The following VPS13A variants were observed in gnomAD, a reference collection of about 807,000 sequenced individuals.
VPS13A encodes vacuolar protein sorting 13 homolog A.
A neutral mutation model predicts 390.9 loss-of-function variants in VPS13A; 264 were observed. That is an observed-to-expected ratio of 0.68 (90% confidence interval 0.61 to 0.75). VPS13A has a LOEUF of 0.75. VPS13A is among the 30% of genes least tolerant of loss of function. The pLI, the probability that VPS13A is intolerant of heterozygous loss-of-function variation, is 0.00. For missense variants in VPS13A, 3,409 were observed against 3,733.9 expected (o/e 0.91, Z 2.27); for synonymous variants, 1,231 against 1,227.1 (o/e 1.00, Z -0.07).
chr9:77,268,367 C>T (rs776342578), intron 23 of VPS13A, among the ~76,000 whole-genome samples: 2 of 152,152 alleles, frequency 1.3e-5, no homozygotes, highest in African/African-American at 2.4e-5. Context: ...TTCCTCATGG[C>T]ACAGTCCTTC....
chr9:77,280,340 A>G (rs892089354), intron 27 of VPS13A, 102 bp downstream of exon 27: 24 of 967,756 alleles, frequency 2.5e-5, no homozygotes, highest in Non-Finnish European at 2.9e-5. Flanking sequence ...CTTCACTGTA[A>G]CATAATCTCT....
intron 1 of VPS13A, among the ~76,000 whole-genome samples, chr9:77,180,783 A>G (rs370770618): frequency 1.3e-5 from 2 of 152,222 alleles, no homozygotes; most frequent in South Asian, 2.1e-4. Flanking sequence ...CTGTGTGTCT[A>G]TCATTTCACC....
At chr9:77,337,618 T>C in intron 47 of VPS13A, 81 bp downstream of exon 47, 1 of 1,408,326 alleles carries the variant, frequency 7.1e-7, no homozygotes, top group Non-Finnish European at 9.8e-7. Context: ...ATAAAAACTA[T>C]TTTAAAGATC....
chr9:77,373,797 A>C (rs1056060522), intron 67 of VPS13A, among the ~76,000 whole-genome samples: 1 of 151,796 alleles, frequency 6.6e-6, no homozygotes, highest in Non-Finnish European at 1.5e-5. Flanking sequence ...CAAGAAAAAA[A>C]CAAACAACCC....
At position 77,353,498 on chromosome 9, in the gene VPS13A, A is replaced by G. The variant is rs768165898; in HGVS notation, c.7509A>G (p.Glu2503=). 6.2e-7 allele frequency: 1 copy of G among 1,613,390 alleles called. No individual in the cohort carries two copies. The highest frequency in any genetic ancestry group is 8.5e-7 in the Non-Finnish European group (1 of 1,179,564). ...EGLQRIILFT[E]DPRVFKVTYE... ...TACAACGCATTATTTTATTCACTGA[A>G]GATCCAAGGGTATTTAAAGTAACAT... is the stretch of plus-strand genomic sequence containing the variant. The change falls in exon 54 of 72, where the codon GAA becomes GAG. Residue 2503 remains glutamate, a synonymous_variant. Transcript: ENST00000360280.
At chr9:77,300,897 A>G (rs2131388644) in intron 33 of VPS13A, among the ~76,000 whole-genome samples, 1 of 152,388 alleles carries the variant, frequency 6.6e-6, no homozygotes, top group Non-Finnish European at 1.5e-5. Flanking sequence ...CAATCATCTA[A>G]GTACTGACAA....
chr9:77,267,252 T>C (rs1303058118), intron 23 of VPS13A, among the ~76,000 whole-genome samples: 1 of 152,120 alleles, frequency 6.6e-6, no homozygotes, highest in Non-Finnish European at 1.5e-5. Flanking sequence ...CATTCTGGTT[T>C]TTGGAATTTT....
Position 77,337,554 on chromosome 9 carries a change from T to G in VPS13A, c.6378+17T>G. 1.2e-6 allele frequency: 2 copies of G among 1,604,598 alleles called. No individual in the cohort carries two copies. The highest frequency in any genetic ancestry group is 1.3e-5 in the African/African-American group (1 of 74,774). ...TATATAGAGGTATCGGCAAACTGATTTAGTGCCTTCCTGTTTTTGATTTTG... is the reference window on the plus strand; with the variant it reads ...TATATAGAGGTATCGGCAAACTGATGTAGTGCCTTCCTGTTTTTGATTTTG... On this transcript the variant is annotated intron_variant, in intron 47 of 71. Transcript: ENST00000360280.
intron 68 of VPS13A, among the ~76,000 whole-genome samples, chr9:77,397,492 G>A (rs1834164868): frequency 6.6e-6 from 1 of 152,100 alleles, no homozygotes; most frequent in East Asian, 1.9e-4. Flanking sequence ...GGGACTTAAA[G>A]CCTTTTATTT....
chr9:77,364,081 G>A (rs1029667304), intron 59 of VPS13A, among the ~76,000 whole-genome samples: 6 of 152,044 alleles, frequency 3.9e-5, no homozygotes, highest in African/African-American at 9.7e-5. Context: ...TATTCTCAGT[G>A]GTACTGTACC....
Position 77,283,349 on chromosome 9 carries a change from T to C in VPS13A, c.3119-6T>C. ...CATGTTTTATAATATGAATTTTTTT[T>C]TGCAGCTTTAAAACTATCCACAAAT... On this transcript the variant is annotated splice_region_variant and splice_polypyrimidine_tract_variant and intron_variant, in intron 29 of 71. Transcript: ENST00000360280. The C allele has an allele frequency of 6.6e-7, 1 of 1,520,766 alleles. No individual in the cohort carries two copies. The highest frequency in any genetic ancestry group is 1.1e-5 in the South Asian group (1 of 86,990). The allele number at this position is 1,520,766 out of a possible 1,614,324, so 94.2% of individuals were successfully genotyped here. A position where few individuals can be genotyped will look rare whatever the true frequency, so the allele number is the denominator to read the frequency against.
At chr9:77,391,041 C>T (rs971462724) in intron 68 of VPS13A, among the ~76,000 whole-genome samples, 1 of 152,144 alleles carries the variant, frequency 6.6e-6, no homozygotes, top group Admixed American at 6.5e-5. Flanking sequence ...TTGAGTCTTA[C>T]ATCTTTTTAA....
At chr9:77,405,810 G>C in intron 69 of VPS13A, 54 bp from the exon 70 acceptor site, 2 of 1,604,840 alleles carry the variant, frequency 1.2e-6, no homozygotes, top group Non-Finnish European at 1.7e-6. Flanking sequence ...GTTGTTATTG[G>C]ATATAAGTGC....
rs1824713132 is a variant in VPS13A at position 77,244,856 on chromosome 9, AGATC to A, written c.1901-2402_1901-2399del. Among the ~76,000 whole-genome samples the A allele has an allele frequency of 1.2e-4, 19 of 152,280 alleles. No individual in the cohort carries two copies. The South Asian group carries it at 4.0e-3, about 32-fold the overall frequency. ...TTAGTCTTGGTGGTAGTGTCAGAGA[AGATC>A]TCTGAAAATTCAACATTAAGATCAG... On this transcript the variant is annotated intron_variant, in intron 19 of 71. Coordinates refer to ENST00000360280, the MANE Select transcript of VPS13A (RefSeq NM_033305.3).
chr9:77,409,810 T>G (rs1333112751), intron 71 of VPS13A, among the ~76,000 whole-genome samples: 1 of 151,278 alleles, frequency 6.6e-6, no homozygotes, highest in African/African-American at 2.4e-5. Flanking sequence ...AGACCAAATC[T>G]ACGTCTGATT....
At chr9:77,313,952 A>G (rs1231506961) in intron 35 of VPS13A, 40 bp from the exon 36 acceptor site, 1 of 1,583,644 alleles carries the variant, frequency 6.3e-7, no homozygotes, top group East Asian at 2.4e-5. Context: ...GCTACTTTTC[A>G]TGATATTTTC....
At chr9:77,182,726 A>G (rs1227024736) in intron 1 of VPS13A, among the ~76,000 whole-genome samples, 2 of 152,214 alleles carry the variant, frequency 1.3e-5, no homozygotes, top group Admixed American at 1.3e-4. Context: ...TTTCTCCGAA[A>G]TCACAATACT....
Position 77,359,406 on chromosome 9 carries a change from A to G in VPS13A, c.8105+4A>G. The G allele has an allele frequency of 1.2e-6, 2 of 1,607,174 alleles. No homozygotes were observed. Among genetic ancestry groups the G allele is most frequent in the Non-Finnish European group, 1.7e-6 (2 of 1,174,126 alleles). On this transcript the variant is annotated splice_donor_region_variant and intron_variant, in intron 58 of 71. Transcript: ENST00000360280. ...ATTCCCAGATATCACGTATTAAGTA[A>G]GTGTCTTAATACATTTCTTGTATAT...
At chr9:77,188,327 G>A (rs1478637328) in intron 1 of VPS13A, among the ~76,000 whole-genome samples, 3 of 152,144 alleles carry the variant, frequency 2.0e-5, no homozygotes, top group Admixed American at 6.6e-5. Flanking sequence ...GACTAACACA[G>A]TACTCAAGTT....
Sources: gnomAD v4.1 joint callset for allele counts (sites outside exome capture counted in the v4.1 genomes callset) on GRCh38, gnomAD v4.1.1 for gene constraint, MANE v1.5 for transcripts, NCBI Gene and HGNC (gene_info 2026-07-23, HGNC 2026-07-21) for gene names.